The following MAGI2 variants were observed in gnomAD, a reference collection of about 807,000 sequenced individuals.
MAGI2 encodes membrane associated guanylate kinase, WW and PDZ domain containing 2, also known as membrane-associated guanylate kinase, WW and PDZ domain-containing protein 2.
Under a neutral mutation model 133.3 loss-of-function variants are expected in MAGI2, and 35 were observed. That is an observed-to-expected ratio of 0.26 (90% CI 0.20 to 0.35). The LOEUF is 0.35. MAGI2 is among the 10% of genes least tolerant of loss of function. The pLI is 1.00. For synonymous variants in MAGI2, 729 were observed against 710.6 expected (o/e 1.03, Z -0.41); for missense variants, 1,636 against 1,863.4 (o/e 0.88, Z 2.25).
intron 3 of MAGI2, among the ~76,000 whole-genome samples, chr7:78,557,349 T>C (rs1394888547): frequency 6.6e-6 from 1 of 152,204 alleles, no homozygotes; most frequent in African/African-American, 2.4e-5. Flanking sequence ...AGCATTGTTG[T>C]ATTCTCCTTC....
At chr7:78,640,286 A>G (rs1810146002) in intron 2 of MAGI2, among the ~76,000 whole-genome samples, 1 of 151,738 alleles carries the variant, frequency 6.6e-6, no homozygotes, top group Admixed American at 6.6e-5. Context: ...CTATCCTGTA[A>G]TAAAAAAACA....
intron 2 of MAGI2, among the ~76,000 whole-genome samples, chr7:78,891,506 A>T (rs1478258579): frequency 2.0e-5 from 3 of 152,246 alleles, no homozygotes; most frequent in Non-Finnish European, 2.9e-5. Context: ...CAAATCCAGC[A>T]GCACATCAAA....
At chr7:78,859,855 C>A (rs1794008652) in intron 2 of MAGI2, among the ~76,000 whole-genome samples, 1 of 152,162 alleles carries the variant, frequency 6.6e-6, no homozygotes, top group South Asian at 2.1e-4. Context: ...GTTCCATTCA[C>A]CCCATCACTT....
intron 1 of MAGI2, among the ~76,000 whole-genome samples, chr7:79,053,119 C>T (rs1443259852): frequency 1.3e-5 from 2 of 152,014 alleles, no homozygotes; most frequent in Non-Finnish European, 2.9e-5. Flanking sequence ...ACTACAGACG[C>T]CCACCACCAC....
intron 1 of MAGI2, among the ~76,000 whole-genome samples, chr7:79,188,148 G>A (rs535057678): frequency 2.0e-5 from 3 of 151,760 alleles, no homozygotes; most frequent in South Asian, 2.1e-4. Context: ...GGGTACATAC[G>A]CAGGATGTGC....
chr7:78,861,019 C>T (rs955568481), intron 2 of MAGI2, among the ~76,000 whole-genome samples: 4 of 152,158 alleles, frequency 2.6e-5, no homozygotes, highest in Non-Finnish European at 1.5e-5. Context: ...GAGTGAGGCT[C>T]CCTGGGCATG....
chr7:78,523,203 A>G (rs1483614686), intron 3 of MAGI2, among the ~76,000 whole-genome samples: 1 of 152,186 alleles, frequency 6.6e-6, no homozygotes, highest in Non-Finnish European at 1.5e-5. Flanking sequence ...GTAAGGCTCA[A>G]TTTCTTCATC....
At chr7:78,679,412 G>T (rs968041436) in intron 2 of MAGI2, among the ~76,000 whole-genome samples, 1 of 152,154 alleles carries the variant, frequency 6.6e-6, no homozygotes, top group Middle Eastern at 3.4e-3. Flanking sequence ...AACATATCAC[G>T]GTTTTAGCAA....
intron 2 of MAGI2, among the ~76,000 whole-genome samples, chr7:78,938,455 T>C (rs1397899873): frequency 1.3e-5 from 2 of 152,148 alleles, no homozygotes; most frequent in African/African-American, 4.8e-5. Flanking sequence ...AGATGATATA[T>C]ATATTTTTGT....
intron 20 of MAGI2, among the ~76,000 whole-genome samples, chr7:78,109,502 C>T (rs1054999363): frequency 6.6e-5 from 10 of 150,554 alleles, no homozygotes; most frequent in Non-Finnish European, 1.3e-4. Flanking sequence ...CGTGGTGGCA[C>T]GTGCCTGTAG....
chr7:78,403,400 T>C (rs1797082535), intron 6 of MAGI2, among the ~76,000 whole-genome samples: 1 of 152,230 alleles, frequency 6.6e-6, no homozygotes, highest in African/African-American at 2.4e-5. Flanking sequence ...AGTCTATCAT[T>C]GTTGGACATT....
intron 21 of MAGI2, among the ~76,000 whole-genome samples, chr7:78,024,092 T>C (rs2428920): frequency 0.33 from 50,633 of 151,954 alleles, 9,550 homozygotes; most frequent in East Asian, 0.65. Context: ...GACTATATCT[T>C]ACCACATTTT....
intron 6 of MAGI2, among the ~76,000 whole-genome samples, chr7:78,401,430 ATTC>A (rs1265676183): frequency 2.0e-5 from 3 of 151,770 alleles, no homozygotes; most frequent in African/African-American, 7.3e-5. Context: ...AGACATGTGA[ATTC>A]TTCTCTCCCT....
chr7:79,256,951 G>T (rs563447016), intron 1 of MAGI2, among the ~76,000 whole-genome samples: 27 of 152,214 alleles, frequency 1.8e-4, no homozygotes, highest in African/African-American at 6.5e-4. Flanking sequence ...AGTTAGAAAG[G>T]AGTAAGTTCA....
intron 6 of MAGI2, among the ~76,000 whole-genome samples, chr7:78,433,678 G>A (rs1315327984): frequency 1.3e-5 from 2 of 152,076 alleles, no homozygotes; most frequent in Non-Finnish European, 2.9e-5. Flanking sequence ...CAGCATTCAT[G>A]AGTTCTCTCA....
intron 8 of MAGI2, among the ~76,000 whole-genome samples, 161 bp from the exon 9 acceptor site, chr7:78,344,121 A>G (rs1047231467): frequency 5.3e-5 from 8 of 152,228 alleles, no homozygotes; most frequent in Non-Finnish European, 8.8e-5. Context: ...GAGCAAAACT[A>G]TTAGAACTTC....
chr7:78,222,182 G>GA (rs1426700694), intron 10 of MAGI2, among the ~76,000 whole-genome samples: 9 of 152,262 alleles, frequency 5.9e-5, no homozygotes, highest in African/African-American at 2.2e-4. Context: ...GAATGTGCCT[G>GA]AAATATGCCC....
chr7:78,631,345 G>A (rs186049029), intron 2 of MAGI2, among the ~76,000 whole-genome samples: 1 of 151,930 alleles, frequency 6.6e-6, no homozygotes, highest in Admixed American at 6.6e-5. Flanking sequence ...TCATCCTTCC[G>A]ATCTGTACTG....
Position 78,904,951 on chromosome 7 carries a change from A to C in MAGI2, c.418+102139T>G, listed in dbSNP as rs1418423169. 3.8e-5 allele frequency among the ~76,000 whole-genome samples: 4 copies of C among 105,148 alleles called. No individual in the cohort carries two copies. The East Asian group carries it at 2.1e-3, about 56-fold the overall frequency. The allele number at this position is 105,148 out of a possible 152,430, so 69.0% of individuals were successfully genotyped here. A position where few individuals can be genotyped will look rare whatever the true frequency, so the allele number is the denominator to read the frequency against. ...TCTTCAAACTGTTTATTTTCTTTCT[A>C]TGATTTTTCTTCCTTCATCTACCTG... On this transcript the variant is annotated intron_variant, in intron 2 of 21. Transcript: ENST00000354212.
Sources: allele counts gnomAD v4.1 joint callset (sites outside exome capture counted in the v4.1 genomes callset), GRCh38; gene constraint gnomAD v4.1.1; transcripts MANE v1.5; gene names NCBI Gene and HGNC (gene_info 2026-07-23, HGNC 2026-07-21).